HS6ST3: variants seen among roughly 807,000 people sequenced by gnomAD.
The protein encoded by HS6ST3 is heparan-sulfate 6-O-sulfotransferase 3.
A neutral mutation model predicts 36.7 loss-of-function variants in HS6ST3; 12 were observed. That is an observed-to-expected ratio of 0.33 (90% CI 0.21 to 0.53). The LOEUF is 0.53. Ranked by LOEUF, HS6ST3 falls within the 20% of genes least tolerant of loss-of-function variation. The pLI is 0.95. For missense variants in HS6ST3, 584 were observed against 640.9 expected (o/e 0.91, Z 0.96); for synonymous variants, 240 against 257.5 (o/e 0.93, Z 0.65).
At chr13:96,158,787 A>G (rs2054122665) in intron 1 of HS6ST3, among the ~76,000 whole-genome samples, 1 of 151,958 alleles carries the variant, frequency 6.6e-6, no homozygotes, top group South Asian at 2.1e-4. Flanking sequence ...GACAACATTA[A>G]CACAAGCTAG....
chr13:96,151,480 AC>A (rs2054084839), intron 1 of HS6ST3, among the ~76,000 whole-genome samples: 1 of 152,004 alleles, frequency 6.6e-6, no homozygotes, highest in African/African-American at 2.4e-5. Flanking sequence ...AAACAATTAC[AC>A]CATGAAGTCT....
intron 1 of HS6ST3, among the ~76,000 whole-genome samples, chr13:96,222,346 A>T (rs76696114): frequency 6.6e-6 from 1 of 152,204 alleles, no homozygotes; most frequent in Admixed American, 6.5e-5. Context: ...TTGAAAGGTG[A>T]TTGCAACATT....
At chr13:96,328,812 G>A (rs991354481) in intron 1 of HS6ST3, among the ~76,000 whole-genome samples, 11 of 152,042 alleles carry the variant, frequency 7.2e-5, no homozygotes, top group Non-Finnish European at 1.5e-4. Context: ...ATCTGGTCCT[G>A]GACTCTTTTT....
intron 1 of HS6ST3, chr13:96,427,340 A>G (rs536436746): frequency 6.5e-6 from 1 of 153,578 alleles, no homozygotes; most frequent in African/African-American, 2.4e-5. Flanking sequence ...GTACCTGTCA[A>G]ATACTCAGTA....
chr13:96,449,109 G>A (rs1220811767), intron 1 of HS6ST3, among the ~76,000 whole-genome samples: 4 of 151,914 alleles, frequency 2.6e-5, no homozygotes, highest in East Asian at 1.9e-4. Flanking sequence ...CTACAGGCGC[G>A]TGCCACCATA....
At chr13:96,317,321 T>C (rs942954180) in intron 1 of HS6ST3, among the ~76,000 whole-genome samples, 3 of 130,946 alleles carry the variant, frequency 2.3e-5, no homozygotes, top group African/African-American at 8.8e-5. Flanking sequence ...CTGTGTAGTA[T>C]TCCATTATAT....
chr13:96,474,184 A>G (rs2055852378), intron 1 of HS6ST3, among the ~76,000 whole-genome samples: 3 of 151,996 alleles, frequency 2.0e-5, no homozygotes, highest in South Asian at 2.1e-4. Flanking sequence ...CCTCTGTTGG[A>G]CACATCTTAA....
intron 1 of HS6ST3, among the ~76,000 whole-genome samples, chr13:96,152,527 C>T (rs1013005417): frequency 1.3e-5 from 2 of 151,924 alleles, no homozygotes; most frequent in African/African-American, 2.4e-5. Flanking sequence ...TTAGTAGAGT[C>T]GGGGTTTCAC....
chr13:96,786,374 C>CT (rs1408380287), intron 1 of HS6ST3, among the ~76,000 whole-genome samples: 1 of 152,144 alleles, frequency 6.6e-6, no homozygotes, highest in Middle Eastern at 3.2e-3. Context: ...TACTCTAGTG[C>CT]TATCTGCTTT....
At chr13:96,236,288 A>G (rs77109598) in intron 1 of HS6ST3, among the ~76,000 whole-genome samples, 1,748 of 152,246 alleles carry the variant, frequency 0.011, 36 homozygotes, top group African/African-American at 0.04. Flanking sequence ...ACCCGCACAG[A>G]CGCACCCAGA....
intron 1 of HS6ST3, among the ~76,000 whole-genome samples, chr13:96,107,351 G>A (rs990375016): frequency 6.6e-6 from 1 of 152,142 alleles, no homozygotes; most frequent in Admixed American, 6.5e-5. Context: ...GGGGCAATGA[G>A]TGATCATTGG....
chr13:96,629,336 T>G (rs578818), intron 1 of HS6ST3, among the ~76,000 whole-genome samples: 149,807 of 152,244 alleles, frequency 0.98, 73,744 homozygotes, highest in East Asian at 1. Context: ...CCAATATCTT[T>G]CTCAGAATCC....
intron 1 of HS6ST3, among the ~76,000 whole-genome samples, chr13:96,178,413 G>A (rs1374042253): frequency 6.6e-6 from 1 of 152,062 alleles, no homozygotes; most frequent in Admixed American, 6.6e-5. Context: ...GGGTGTTTGA[G>A]GTATGCACTG....
chr13:96,324,135 C>G (rs2055018552), intron 1 of HS6ST3, among the ~76,000 whole-genome samples: 1 of 152,156 alleles, frequency 6.6e-6, no homozygotes, highest in Admixed American at 6.5e-5. Context: ...AGAGAGGAAA[C>G]TGATAATGAC....
chr13:96,404,120 A>T (rs1246122265), intron 1 of HS6ST3, among the ~76,000 whole-genome samples: 2 of 152,222 alleles, frequency 1.3e-5, no homozygotes, highest in Non-Finnish European at 2.9e-5. Flanking sequence ...TAAAACATTT[A>T]TAAAAGTCCA....
Position 96,234,147 on chromosome 13 carries a change from C to T in HS6ST3, c.707+142578C>T, listed in dbSNP as rs181762377. ...AAAAGAAGCCAGGCATGGTGGCTCA[C>T]GCCTGTAATCCCAGCACTTTGGGAG... On this transcript the variant is annotated intron_variant, in intron 1 of 1. Coordinates refer to ENST00000376705, the MANE Select transcript of HS6ST3 (RefSeq NM_153456.4). 3.5e-3 allele frequency among the ~76,000 whole-genome samples: 528 copies of T among 150,116 alleles called. 1 individual carries two copies. The highest frequency in any genetic ancestry group is 6.3e-3 in the Non-Finnish European group (425 of 67,634).
chr13:96,108,461 T>C (rs2053852720), intron 1 of HS6ST3, among the ~76,000 whole-genome samples: 1 of 152,228 alleles, frequency 6.6e-6, no homozygotes, highest in African/African-American at 2.4e-5. Context: ...TGATATTTTA[T>C]TGCCCTTGAA....
At chr13:96,832,361 A>C (rs1878819180) in intron 1 of HS6ST3, 129 bp from the exon 2 acceptor site, 1 of 644,760 alleles carries the variant, frequency 1.6e-6, no homozygotes. Context: ...ACACAAATGC[A>C]GGCGAATACT....
intron 1 of HS6ST3, among the ~76,000 whole-genome samples, chr13:96,313,401 C>T (rs541424386): frequency 6.1e-4 from 93 of 151,758 alleles, no homozygotes; most frequent in Non-Finnish European, 9.9e-4. Flanking sequence ...TTTAAAGGCT[C>T]CAGAGCTACC....
Sources: gnomAD v4.1 joint callset for allele counts (sites outside exome capture counted in the v4.1 genomes callset) on GRCh38, gnomAD v4.1.1 for gene constraint, MANE v1.5 for transcripts, NCBI Gene and HGNC (gene_info 2026-07-23, HGNC 2026-07-21) for gene names.